The following MAP4K3 variants were observed in gnomAD, a reference collection of about 807,000 sequenced individuals.
MAP4K3 encodes MAPK/ERK kinase kinase kinase 3.
Under a neutral mutation model 143.5 loss-of-function variants are expected in MAP4K3, and 94 were observed. That is an observed-to-expected ratio of 0.65 (90% CI 0.55 to 0.78). MAP4K3 has a LOEUF of 0.78. Ranked by LOEUF, MAP4K3 falls within the 30% of genes least tolerant of loss-of-function variation. The pLI, the probability that MAP4K3 is intolerant of heterozygous loss-of-function variation, is 0.00. For missense variants in MAP4K3, 1,077 were observed against 1,068.1 expected (o/e 1.01, Z -0.12); for synonymous variants, 416 against 347.2 (o/e 1.20, Z -2.20).
rs2148425768 is a variant in MAP4K3, at chr2:39,249,390, G to C, written c.*1228C>G. ...AATCACAATTTAGTTTGTTCTTAGT[G>C]TATATACTCACATTAAAATATAAAG... On this transcript the variant is annotated 3_prime_UTR_variant, in exon 34 of 34. Transcript: ENST00000263881. 1 of 152,640 alleles carries C rather than the reference G, an allele frequency of 6.6e-6. No individual in the cohort carries two copies. Among genetic ancestry groups the C allele is most frequent in the East Asian group, 1.9e-4 (1 of 5,190 alleles). 9.5% of individuals were successfully genotyped at this position (152,640 alleles called of 1,614,324 possible). A position where few individuals can be genotyped will look rare whatever the true frequency, so the allele number is the denominator to read the frequency against.
chr2:39,421,569 T>A (rs1667549195), intron 1 of MAP4K3, among the ~76,000 whole-genome samples: 1 of 152,082 alleles, frequency 6.6e-6, no homozygotes, highest in African/African-American at 2.4e-5. Context: ...AAAATGGAAA[T>A]AACAATACCT....
chr2:39,333,984 TG>T (rs1375535462), intron 6 of MAP4K3, among the ~76,000 whole-genome samples: 1 of 151,606 alleles, frequency 6.6e-6, no homozygotes, highest in African/African-American at 2.4e-5. Flanking sequence ...TGTGTGTGTG[TG>T]TGTGTGTGTG....
intron 1 of MAP4K3, among the ~76,000 whole-genome samples, chr2:39,398,272 C>A (rs547122891): frequency 1.3e-5 from 2 of 151,268 alleles, no homozygotes; most frequent in East Asian, 1.9e-4. Context: ...CAGCATATAC[C>A]AACAAACGAA....
At chr2:39,281,097 T>C (rs1681506899) in intron 22 of MAP4K3, among the ~76,000 whole-genome samples, 1 of 152,168 alleles carries the variant, frequency 6.6e-6, no homozygotes, top group Admixed American at 6.5e-5. Context: ...TTGACTCAGG[T>C]AATCACTTTT....
At chr2:39,276,567 T>C (rs1231214887) in intron 24 of MAP4K3, among the ~76,000 whole-genome samples, 1 of 152,248 alleles carries the variant, frequency 6.6e-6, no homozygotes, top group African/African-American at 2.4e-5. Flanking sequence ...CTTTGGCAAG[T>C]TACTAATCCT....
chr2:39,363,833 A>AT (rs762867464), intron 2 of MAP4K3, among the ~76,000 whole-genome samples: 51 of 149,440 alleles, frequency 3.4e-4, no homozygotes, highest in Middle Eastern at 3.5e-3. Context: ...CATACTGGGG[A>AT]TTTTTTTTTT....
intron 1 of MAP4K3, among the ~76,000 whole-genome samples, chr2:39,432,294 C>T (rs901674968): frequency 1.3e-5 from 2 of 152,306 alleles, no homozygotes; most frequent in East Asian, 3.9e-4. Context: ...GTAAGTACTT[C>T]CTTTAGGTAA....
At position 39,249,438 on chromosome 2, in the gene MAP4K3, A is replaced by G. The variant is rs568493841; in HGVS notation, c.*1180T>C. 3.0e-4 allele frequency: 46 copies of G among 152,764 alleles called. No individual in the cohort carries two copies. Among genetic ancestry groups the G allele is most frequent in the African/African-American group, 1.1e-3 (46 of 41,586 alleles). The allele number at this position is 152,764 out of a possible 1,614,324, so 9.5% of individuals were successfully genotyped here. A position where few individuals can be genotyped will look rare whatever the true frequency, so the allele number is the denominator to read the frequency against. On this transcript the variant is annotated 3_prime_UTR_variant, in exon 34 of 34. Coordinates refer to ENST00000263881, the MANE Select transcript of MAP4K3 (RefSeq NM_003618.4). ...AAGAACATATACCAAAAAGAGCCAA[A>G]AGTGTGCATTTTGCTAAAACCTGGT...
chr2:39,295,481 A>G (rs1448213324), intron 16 of MAP4K3, among the ~76,000 whole-genome samples: 1 of 152,132 alleles, frequency 6.6e-6, no homozygotes, highest in Non-Finnish European at 1.5e-5. Flanking sequence ...TCATGAGACC[A>G]AATATTTGAG....
chr2:39,315,207 G>T, intron 13 of MAP4K3, 103 bp downstream of exon 13: 1 of 708,180 alleles, frequency 1.4e-6, no homozygotes. Context: ...ACAGTGTTTA[G>T]TAAGAAAAAC....
chr2:39,277,131 C>G (rs887883064), intron 24 of MAP4K3, among the ~76,000 whole-genome samples: 2 of 152,220 alleles, frequency 1.3e-5, no homozygotes, highest in African/African-American at 4.8e-5. Flanking sequence ...GTACTGCAAA[C>G]AGATATTTCT....
At chr2:39,425,201 A>T (rs1432153131) in intron 1 of MAP4K3, among the ~76,000 whole-genome samples, 1 of 152,120 alleles carries the variant, frequency 6.6e-6, no homozygotes, top group African/African-American at 2.4e-5. Context: ...TAACATAGAA[A>T]TTCACAGGCA....
intron 4 of MAP4K3, among the ~76,000 whole-genome samples, chr2:39,338,261 C>T (rs1007368715): frequency 6.6e-6 from 1 of 152,032 alleles, no homozygotes; most frequent in Non-Finnish European, 1.5e-5. Context: ...AAACGATGTC[C>T]AATAGGTTTA....
chr2:39,315,702 A>G (rs920397916), intron 12 of MAP4K3, among the ~76,000 whole-genome samples: 4 of 152,204 alleles, frequency 2.6e-5, no homozygotes, highest in Admixed American at 2.6e-4. Context: ...AGACTTGTCT[A>G]GATCCATTCT....
chr2:39,270,186 A>C (rs1680953565), intron 26 of MAP4K3, among the ~76,000 whole-genome samples: 1 of 152,208 alleles, frequency 6.6e-6, no homozygotes, highest in African/African-American at 2.4e-5. Context: ...CTACTACACA[A>C]ACAGAAATCA....
intron 12 of MAP4K3, among the ~76,000 whole-genome samples, chr2:39,316,417 G>T (rs1196086124): frequency 2.0e-5 from 3 of 152,050 alleles, no homozygotes; most frequent in Non-Finnish European, 4.4e-5. Context: ...AGGCTATCCA[G>T]GTATACAGAG....
At chr2:39,320,954 G>A (rs576611251) in intron 12 of MAP4K3, among the ~76,000 whole-genome samples, 2 of 152,270 alleles carry the variant, frequency 1.3e-5, no homozygotes, top group African/African-American at 4.8e-5. Flanking sequence ...TACTCACAGT[G>A]TAGGTACATC....
intron 6 of MAP4K3, among the ~76,000 whole-genome samples, chr2:39,335,745 T>G (rs1388795886): frequency 6.6e-6 from 1 of 152,206 alleles, no homozygotes; most frequent in Non-Finnish European, 1.5e-5. Context: ...CAAAAGCTCT[T>G]TATGTCTTTT....
At chr2:39,373,905 G>C (rs760817737) in intron 2 of MAP4K3, among the ~76,000 whole-genome samples, 1 of 152,044 alleles carries the variant, frequency 6.6e-6, no homozygotes, top group South Asian at 2.1e-4. Flanking sequence ...GGTGACTTTA[G>C]TAACAACAAC....
Sources: gnomAD v4.1 joint callset for allele counts (sites outside exome capture counted in the v4.1 genomes callset) on GRCh38, gnomAD v4.1.1 for gene constraint, MANE v1.5 for transcripts, NCBI Gene and HGNC (gene_info 2026-07-23, HGNC 2026-07-21) for gene names.